RAB11FIP5: variants seen among roughly 807,000 people sequenced by gnomAD.
RAB11FIP5 encodes RAB11 family interacting protein 5.
In RAB11FIP5, 48 loss-of-function variants were observed where a neutral mutation model predicts 85.1. The ratio of observed to expected loss-of-function variants is 0.56; its 90% CI spans 0.45 to 0.72. The LOEUF (loss-of-function observed/expected upper bound fraction) is 0.72. RAB11FIP5 is among the 30% of genes least tolerant of loss of function. RAB11FIP5 has a pLI of 0.00. For synonymous variants in RAB11FIP5, 729 were observed against 727.3 expected (o/e 1.00, Z -0.04); for missense variants, 1,491 against 1,687.0 (o/e 0.88, Z 2.04).
In RAB11FIP5 at chr2:73,089,580, C is replaced by T; in HGVS notation, c.432-265G>A. 5.6e-6 allele frequency: 3 copies of T among 536,026 alleles called. No homozygotes were observed. Among genetic ancestry groups the T allele is most frequent in the Non-Finnish European group, 1.0e-5 (3 of 294,276 alleles). The allele number at this position is 536,026 out of a possible 1,614,324, so 33.2% of individuals were successfully genotyped here. ...CCACCAGGTAGGGCGGCGGTTACCA[C>T]ACCATGCCTCCTCCCACCCCAGGAC... On this transcript the variant is annotated intron_variant, in intron 1 of 5. Transcript: ENST00000486777. The surrounding 1 kb of genome is among the most constrained non-coding windows in gnomAD (Gnocchi z 4.6).
chr2:73,106,629 AG>A (rs1477036703), intron 1 of RAB11FIP5, among the ~76,000 whole-genome samples: 1 of 152,228 alleles, frequency 6.6e-6, no homozygotes, highest in East Asian at 1.9e-4. Context: ...GCACTTCCAC[AG>A]AAACTCCGGG....
chr2:73,091,266 G>A (rs1574298899), intron 1 of RAB11FIP5, among the ~76,000 whole-genome samples: 1 of 152,212 alleles, frequency 6.6e-6, no homozygotes, highest in East Asian at 1.9e-4. Flanking sequence ...CAGCACTGGA[G>A]TCTTCCTTAG....
intron 1 of RAB11FIP5, among the ~76,000 whole-genome samples, chr2:73,100,667 C>T (rs1401094757): frequency 6.6e-6 from 1 of 152,100 alleles, no homozygotes; most frequent in Admixed American, 6.5e-5. Flanking sequence ...CTCAAGTGAT[C>T]CATCTGCCTC....
At chr2:73,083,327 A>G (rs1253483709) in intron 3 of RAB11FIP5, among the ~76,000 whole-genome samples, 1 of 152,178 alleles carries the variant, frequency 6.6e-6, no homozygotes, top group African/African-American at 2.4e-5. Context: ...CACAGGAAGG[A>G]GTCCAACTAA....
At position 73,112,810 on chromosome 2, in the gene RAB11FIP5, C is replaced by T; in HGVS notation, c.-33G>A. 1 of 1,397,910 alleles carries T rather than the reference C, an allele frequency of 7.2e-7. No individual in the cohort carries two copies. Among genetic ancestry groups the T allele is most frequent in the Non-Finnish European group, 9.2e-7 (1 of 1,085,938 alleles). 86.6% of individuals were successfully genotyped at this position (1,397,910 alleles called of 1,614,324 possible). A position where few individuals can be genotyped will look rare whatever the true frequency, so the allele number is the denominator to read the frequency against. On this transcript the variant is annotated 5_prime_UTR_variant, in exon 1 of 6. Coordinates refer to ENST00000486777, the MANE Select transcript of RAB11FIP5 (RefSeq NM_001371272.1). ...AAGCGGGGGGCGAGGTCTGGCCGAGCCGGTGCAGACCCCAGGACCTGGTGA... is the reference window on the plus strand; with the variant it reads ...AAGCGGGGGGCGAGGTCTGGCCGAGTCGGTGCAGACCCCAGGACCTGGTGA...
chr2:73,091,952 G>C (rs751100832), intron 1 of RAB11FIP5, among the ~76,000 whole-genome samples: 2 of 150,898 alleles, frequency 1.3e-5, no homozygotes, highest in African/African-American at 2.5e-5. Flanking sequence ...CTCTCATAAG[G>C]CACGGGCAGA....
At chr2:73,100,425 GTTTT>G (rs573555727) in intron 1 of RAB11FIP5, among the ~76,000 whole-genome samples, 1 of 131,114 alleles carries the variant, frequency 7.6e-6, no homozygotes, top group Admixed American at 7.8e-5. Context: ...TTTGGTTGTG[GTTTT>G]TTTTTTTTTT....
chr2:73,095,509 G>A (rs1331605970), intron 1 of RAB11FIP5, among the ~76,000 whole-genome samples: 1 of 152,236 alleles, frequency 6.6e-6, no homozygotes, highest in Non-Finnish European at 1.5e-5. Context: ...TGCACATGAG[G>A]GGGCTAGAGA....
intron 1 of RAB11FIP5, among the ~76,000 whole-genome samples, chr2:73,106,641 G>T (rs556747552): frequency 1.4e-4 from 21 of 152,324 alleles, no homozygotes; most frequent in Admixed American, 8.5e-4. Flanking sequence ...AAACTCCGGG[G>T]TGCACACAGG....
rs550613252 is a variant in RAB11FIP5 at position 73,094,120 on chromosome 2, CAAA to C, written c.432-4808_432-4806del. 8.5e-3 allele frequency among the ~76,000 whole-genome samples: 723 copies of C among 84,616 alleles called. 7 individuals are homozygous for C. Among genetic ancestry groups the C allele is most frequent in the African/African-American group, 0.021 (567 of 27,120 alleles). The allele number at this position is 84,616 out of a possible 152,430, so 55.5% of individuals were successfully genotyped here. On this transcript the variant is annotated intron_variant, in intron 1 of 5. Transcript: ENST00000486777. The stretch of plus-strand genomic sequence containing the variant: ...TGGGCAACAGAGTGAGACTTTGTCT[CAAA>C]AAAAAAAAAAAAAAAAAAAAAATCC...
rs1355186883 is a variant in RAB11FIP5 at position 73,112,759 on chromosome 2, C to A, written c.19G>T (p.Ala7Ser). The change falls in exon 1 of 6, where the codon GCG (alanine) becomes TCG (serine). Residue 7 changes from alanine to serine, a missense_variant. Around this residue, in one of 3 missense-constraint regions of RAB11FIP5, gnomAD observed 1,211 missense variants for 1,338.0 expected, o/e 0.91. Transcript: ENST00000486777. MALVRG[A>S]EPAAGPSRWL... is the part of the protein sequence containing the mutation. ...CGGGAAGGCCCCGCCGCCGGCTCCG[C>A]GCCCCGCACCAGGGCCATGGCGGAG... 3.5e-5 allele frequency: 51 copies of A among 1,465,418 alleles called. No homozygotes were observed. Among genetic ancestry groups the A allele is most frequent in the Non-Finnish European group, 4.3e-5 (48 of 1,113,886 alleles). The allele number at this position is 1,465,418 out of a possible 1,614,324, so 90.8% of individuals were successfully genotyped here.
chr2:73,103,388 G>C (rs938379921), intron 1 of RAB11FIP5, among the ~76,000 whole-genome samples: 7 of 152,220 alleles, frequency 4.6e-5, no homozygotes, highest in African/African-American at 1.4e-4. Context: ...TCATCCTAAT[G>C]CTGTAGGCTC....
intron 1 of RAB11FIP5, among the ~76,000 whole-genome samples, chr2:73,111,247 T>G (rs952935663): frequency 1.3e-5 from 2 of 152,108 alleles, no homozygotes; most frequent in Non-Finnish European, 2.9e-5. Context: ...CCTTTTTACC[T>G]AAATCCTGCT....
chr2:73,088,640 G>A lies in RAB11FIP5; in HGVS notation c.978C>T (p.Gly326=), dbSNP rs745465962. 9 of 1,613,272 alleles carry A rather than the reference G, an allele frequency of 5.6e-6. No individual in the cohort carries two copies. Among genetic ancestry groups the A allele is most frequent in the East Asian group, 4.5e-5 (2 of 44,878 alleles). The change falls in exon 3 of 6, where the codon GGC becomes GGT. Residue 326 remains glycine, a synonymous_variant. Transcript: ENST00000486777. Reference sequence around the variant, plus strand: ...AAGAGCGGGAGGCAGCATCCAGGTGGCCCTGAAGGTCCAGAAGGGCCCGAG... The same window carrying A: ...AAGAGCGGGAGGCAGCATCCAGGTGACCCTGAAGGTCCAGAAGGGCCCGAG... ...APPRALLDLQ[G]HLDAASRSSL... is the part of the protein sequence containing the mutation.
At position 73,081,547 on chromosome 2, in the gene RAB11FIP5, C is replaced by T; in HGVS notation, c.1685G>A (p.Ser562Asn). The T allele has an allele frequency of 8.2e-7, 1 of 1,214,830 alleles. No individual in the cohort carries two copies. The highest frequency in any genetic ancestry group is 1.0e-6 in the Non-Finnish European group (1 of 972,118). The allele number at this position is 1,214,830 out of a possible 1,614,324, so 75.3% of individuals were successfully genotyped here. A position where few individuals can be genotyped will look rare whatever the true frequency, so the allele number is the denominator to read the frequency against. Residue 562 changes from serine (S) to asparagine (N), a missense_variant, in exon 4 of 6, where the codon AGC becomes AAC. Ser to Asn is a conservative substitution (Grantham distance 46). Coordinates refer to ENST00000486777, the MANE Select transcript of RAB11FIP5 (RefSeq NM_001371272.1). This position sits in a 1 kb window ranked among gnomAD's most constrained non-coding sequence, Gnocchi z 4.2. ...TPAPTAAPML[S>N]TNLFAAASPA... Reference sequence around the variant, plus strand: ...GGAGGCGGCTGCAAAAAGGTTAGTGCTTAGCATGGGAGCAGCAGTGGGAGC... The same window carrying T: ...GGAGGCGGCTGCAAAAAGGTTAGTGTTTAGCATGGGAGCAGCAGTGGGAGC...
Position 73,075,486 on chromosome 2 carries a change from C to T in RAB11FIP5, c.*35G>A. 1.9e-6 allele frequency: 3 copies of T among 1,598,470 alleles called. No individual in the cohort carries two copies. Among genetic ancestry groups the T allele is most frequent in the Non-Finnish European group, 2.6e-6 (3 of 1,165,734 alleles). ...GGAGAGAGGGCAGGCAGCAATAGGT[C>T]CATGCCAACCCTCCTGGGGGTAGGG... On this transcript the variant is annotated 3_prime_UTR_variant, in exon 6 of 6. Coordinates refer to ENST00000486777, the MANE Select transcript of RAB11FIP5 (RefSeq NM_001371272.1). The surrounding 1 kb of genome is among the most constrained non-coding windows in gnomAD (Gnocchi z 4.6).
chr2:73,089,354 C>G lies in RAB11FIP5; in HGVS notation c.432-39G>C. 6.2e-7 allele frequency: 1 copy of G among 1,602,800 alleles called. No individual in the cohort carries two copies. The highest frequency in any genetic ancestry group is 8.5e-7 in the Non-Finnish European group (1 of 1,175,668). On this transcript the variant is annotated intron_variant, in intron 1 of 5. Transcript: ENST00000486777. This position sits in a 1 kb window ranked among gnomAD's most constrained non-coding sequence, Gnocchi z 4.6. Reference sequence around the variant, plus strand: ...GGAGCAGGCAGAACTCAGTCACGGGCCCAGGGAGCCTGGCTCCCGCCCGGT... The same window carrying G: ...GGAGCAGGCAGAACTCAGTCACGGGGCCAGGGAGCCTGGCTCCCGCCCGGT...
intron 3 of RAB11FIP5, among the ~76,000 whole-genome samples, chr2:73,087,684 C>T (rs1292157195): frequency 6.6e-6 from 1 of 152,192 alleles, no homozygotes; most frequent in Admixed American, 6.5e-5. Flanking sequence ...CCAAGGCTTC[C>T]TTACCTTGAG....
intron 1 of RAB11FIP5, among the ~76,000 whole-genome samples, chr2:73,099,169 C>T (rs184257673): frequency 7.5e-4 from 114 of 151,570 alleles, no homozygotes; most frequent in Non-Finnish European, 1.4e-3. Context: ...CCTGTCTCAG[C>T]CTCCCAAGTA....
Sources: allele counts gnomAD v4.1 joint callset (sites outside exome capture counted in the v4.1 genomes callset), GRCh38; gene constraint gnomAD v4.1.1; regional missense constraint gnomAD v4.1.1; non-coding constraint Gnocchi (gnomAD v3.1); transcripts MANE v1.5; gene names NCBI Gene and HGNC (gene_info 2026-07-23, HGNC 2026-07-21).